Variants in SP2 observed in about 807,000 individuals in gnomAD.
The protein encoded by SP2 is Sp2 transcription factor.
In SP2, 9 loss-of-function variants were observed where a neutral mutation model predicts 50.1. The observed-to-expected ratio is 0.18, with a 90% confidence interval of 0.11 to 0.31. The LOEUF (loss-of-function observed/expected upper bound fraction) is 0.31, where lower values mean the gene tolerates loss of function less well. Ranked by LOEUF, SP2 falls within the 10% of genes least tolerant of loss-of-function variation. The probability of loss-of-function intolerance (pLI) is 1.00; values close to 1 mark genes in which losing one functional copy is unlikely to be tolerated. For missense variants in SP2, 581 were observed against 806.5 expected, an observed-to-expected ratio of 0.72 and a Z score of 3.39; for synonymous variants, 313 against 326.6, an observed-to-expected ratio of 0.96 and a Z score of 0.45.
rs943901444 is a variant in SP2, at chr17:47,916,043, C to T, written c.85-113C>T. On this transcript the variant is annotated intron_variant, in intron 2 of 6. Coordinates refer to ENST00000376741, the MANE Select transcript of SP2 (RefSeq NM_003110.6). The surrounding 1 kb of genome is among the most constrained non-coding windows in gnomAD (Gnocchi z 4.7). ...GAGGGTACTGGCAACATGCCTGCCC[C>T]GGAGGTGGGGAAGACTGGCGTGGAA... 6.2e-5 allele frequency: 81 copies of T among 1,300,976 alleles called. 1 individual carries two copies. In the Middle Eastern group the frequency reaches 1.6e-3, roughly 26 times the overall value. The allele number at this position is 1,300,976 out of a possible 1,614,324, so 80.6% of individuals were successfully genotyped here.
At chr17:47,915,173 A>C (rs1014367888) in intron 1 of SP2, 139 bp from the exon 2 acceptor site, 1 of 627,992 alleles carries the variant, frequency 1.6e-6, no homozygotes. Flanking sequence ...AGATCATGCC[A>C]CTACACTCCA....
chr17:47,900,403 T>C (rs1048428423), intron 1 of SP2: 1 of 152,176 alleles, frequency 6.6e-6, no homozygotes, highest in African/African-American at 2.4e-5. Context: ...ACCAAGACAT[T>C]TCCCAGCCTC....
At chr17:47,904,749 A>G (rs746760914) in intron 1 of SP2, among the ~76,000 whole-genome samples, 9 of 152,002 alleles carry the variant, frequency 5.9e-5, no homozygotes, top group Non-Finnish European at 1.2e-4. Context: ...CATGGTTTTA[A>G]TTTATTTGTT....
chr17:47,913,433 C>G (rs1297037681), intron 1 of SP2, among the ~76,000 whole-genome samples: 1 of 152,014 alleles, frequency 6.6e-6, no homozygotes, highest in Non-Finnish European at 1.5e-5. Context: ...TTACTGAAAT[C>G]TGCTTTCCAG....
At chr17:47,915,209 C>T (rs996430842) in intron 1 of SP2, 103 bp from the exon 2 acceptor site, 12 of 779,126 alleles carry the variant, frequency 1.5e-5, no homozygotes, top group Admixed American at 4.8e-5. Context: ...GCAAAAATTC[C>T]GTCTCAAAAA....
chr17:47,900,575 G>A (rs1438159694), intron 1 of SP2, among the ~76,000 whole-genome samples: 1 of 152,216 alleles, frequency 6.6e-6, no homozygotes, highest in Admixed American at 6.5e-5. Context: ...TCAGGAGTTC[G>A]AGACCAGCCT....
intron 1 of SP2, among the ~76,000 whole-genome samples, chr17:47,910,579 C>CA (rs1156455696): frequency 1.3e-5 from 2 of 152,010 alleles, no homozygotes; most frequent in Non-Finnish European, 2.9e-5. Flanking sequence ...CATGTAACTA[C>CA]AAAAAAAGCC....
Position 47,927,731 on chromosome 17 carries a change from A to G in SP2, c.1749A>G (p.Lys583=). The G allele has an allele frequency of 6.3e-7, 1 of 1,579,506 alleles. No individual in the cohort carries two copies. The highest frequency in any genetic ancestry group is 8.6e-7 in the Non-Finnish European group (1 of 1,161,702). The change falls in exon 7 of 7, where the codon AAA becomes AAG. Residue 583 remains lysine (K), a synonymous_variant. Coordinates refer to ENST00000376741, the MANE Select transcript of SP2 (RefSeq NM_003110.6). ...GGCATCTCCTCTTCCCAGGGGACAA[A>G]CGCTTCGAGTGCGCCCAGTGTCAGA... ...QRHARTHTGD[K]RFECAQCQKR...
intron 1 of SP2, chr17:47,914,638 G>T (rs1665242310): frequency 6.6e-6 from 1 of 152,502 alleles, no homozygotes; most frequent in African/African-American, 2.4e-5. Context: ...TTTAGCTATG[G>T]AGAGCCAGCA....
chr17:47,916,983 G>A lies in SP2; in HGVS notation c.912G>A (p.Val304=), dbSNP rs148511412. ...CTGTGGTCCAGCAGGTCCAGGTGGTGCCCCCCAAGGCCGAGCAGCAGCAGG... is the reference window on the plus strand; with the variant it reads ...CTGTGGTCCAGCAGGTCCAGGTGGTACCCCCCAAGGCCGAGCAGCAGCAGG... The part of the protein sequence containing the change: ...QPAVVQQVQV[V]PPKAEQQQVV... Residue 304 remains valine (V), a synonymous_variant, in exon 3 of 7, where the codon GTG becomes GTA. Transcript: ENST00000376741. The surrounding 1 kb of genome is among the most constrained non-coding windows in gnomAD (Gnocchi z 4.7). The A allele has an allele frequency of 1.3e-5, 21 of 1,614,138 alleles. No homozygotes were observed. The African/African-American group carries it at 1.9e-4, about 14-fold the overall frequency.
At chr17:47,905,803 T>G (rs1408535863) in intron 1 of SP2, among the ~76,000 whole-genome samples, 1 of 151,206 alleles carries the variant, frequency 6.6e-6, no homozygotes, top group Non-Finnish European at 1.5e-5. Flanking sequence ...TGGGAGGAGG[T>G]CAGGAAAGGC....
chr17:47,927,749 G>T lies in SP2; in HGVS notation c.1767G>T (p.Gln589His), dbSNP rs1289975920. The T allele has an allele frequency of 5.0e-6, 8 of 1,592,650 alleles. No individual in the cohort carries two copies. Among genetic ancestry groups the T allele is most frequent in the Non-Finnish European group, 6.8e-6 (8 of 1,169,074 alleles). The part of the protein sequence containing the change: ...HTGDKRFECA[Q>H]CQKRFMRSDH... ...GGGACAAACGCTTCGAGTGCGCCCAGTGTCAGAAGCGCTTCATGAGGAGTG... is the reference window on the plus strand; with the variant it reads ...GGGACAAACGCTTCGAGTGCGCCCATTGTCAGAAGCGCTTCATGAGGAGTG... The change falls in exon 7 of 7, where the codon CAG becomes CAT. Residue 589 changes from glutamine to histidine, a missense_variant. This residue lies in a region of SP2 where 184 missense variants were observed against 315.5 expected (regional missense o/e 0.58). Transcript: ENST00000376741.
intron 1 of SP2, among the ~76,000 whole-genome samples, chr17:47,901,052 G>A (rs1395039043): frequency 1.3e-5 from 2 of 152,046 alleles, no homozygotes. Context: ...ATGTGACGCA[G>A]TCAGGATGCA....
At chr17:47,897,772 C>T in intron 1 of SP2, 9 of 658,792 alleles carry the variant, frequency 1.4e-5, no homozygotes, top group African/African-American at 2.0e-5. Context: ...ATGAATATAA[C>T]TGCAGTGTCT....
intron 4 of SP2, among the ~76,000 whole-genome samples, chr17:47,924,324 TG>T (rs1343572721): frequency 1.7e-4 from 6 of 36,006 alleles, no homozygotes; most frequent in Non-Finnish European, 2.4e-4. Context: ...TTTGTAGAGA[TG>T]GGGGTCTCCC....
chr17:47,903,036 G>T (rs781258008), intron 1 of SP2, among the ~76,000 whole-genome samples: 1 of 152,194 alleles, frequency 6.6e-6, no homozygotes, highest in African/African-American at 2.4e-5. Flanking sequence ...GATTACAGGC[G>T]TGAGCCACAG....
chr17:47,917,808 G>A (rs1199883242), intron 3 of SP2: 1 of 441,762 alleles, frequency 2.3e-6, no homozygotes, highest in East Asian at 7.7e-5. Context: ...CTGGGATGCT[G>A]AATTCAACAA....
At chr17:47,909,687 G>C in intron 1 of SP2, 1 of 984,164 alleles carries the variant, frequency 1.0e-6, no homozygotes, top group Non-Finnish European at 1.2e-6. Context: ...GAGGCTAAGA[G>C]GGACCATCCC....
downstream of SP2, among the ~76,000 whole-genome samples, chr17:47,929,120 G>A (rs533042667): frequency 4.8e-4 from 73 of 152,326 alleles, no homozygotes; most frequent in Non-Finnish European, 7.3e-4. Flanking sequence ...AAGGGGCCGC[G>A]GCCACATATA....
Sources: gnomAD v4.1 joint callset for allele counts (sites outside exome capture counted in the v4.1 genomes callset) on GRCh38, gnomAD v4.1.1 for gene constraint, gnomAD v4.1.1 regional missense constraint, Gnocchi (gnomAD v3.1) non-coding constraint, MANE v1.5 for transcripts, NCBI Gene and HGNC (gene_info 2026-07-23, HGNC 2026-07-21) for gene names.